GRAMD2A: variants seen among roughly 807,000 people sequenced by gnomAD.
GRAMD2A encodes GRAM domain-containing protein 2A.
GRAMD2A carries 37 observed loss-of-function variants against 51.1 expected under a neutral mutation model. The ratio of observed to expected loss-of-function variants is 0.72; its 90% CI spans 0.56 to 0.95. The LOEUF (loss-of-function observed/expected upper bound fraction) is 0.95, where lower values mean the gene tolerates loss of function less well. Ranked by LOEUF, GRAMD2A falls within the 40% of genes least tolerant of loss-of-function variation. The pLI, the probability that GRAMD2A is intolerant of heterozygous loss-of-function variation, is 0.00. For synonymous variants in GRAMD2A, 136 were observed against 157.1 expected (o/e 0.87, Z 1.01); for missense variants, 414 against 426.9 (o/e 0.97, Z 0.27).
intron 1 of GRAMD2A, among the ~76,000 whole-genome samples, chr15:72,190,805 AG>A (rs1336699740): frequency 6.6e-6 from 1 of 152,210 alleles, no homozygotes; most frequent in Non-Finnish European, 1.5e-5. Flanking sequence ...CTCTCAACGT[AG>A]CCTATGACCC....
intron 1 of GRAMD2A, among the ~76,000 whole-genome samples, chr15:72,175,444 C>T (rs1201181948): frequency 6.6e-6 from 1 of 152,224 alleles, no homozygotes; most frequent in Non-Finnish European, 1.5e-5. Flanking sequence ...GCTTTCCAGC[C>T]TCATCGCCCG....
At chr15:72,163,858 C>A in intron 8 of GRAMD2A, 101 bp from the exon 9 acceptor site, 2 of 1,267,498 alleles carry the variant, frequency 1.6e-6, no homozygotes, top group Non-Finnish European at 2.2e-6. Context: ...CAGATATTAC[C>A]AAATATAGAT....
chr15:72,168,852 G>A (rs1429095490), intron 3 of GRAMD2A, 87 bp downstream of exon 3: 23 of 1,219,898 alleles, frequency 1.9e-5, no homozygotes, highest in African/African-American at 5.9e-5. Context: ...TGACAGGCCC[G>A]GTGGCCAAGG....
intron 1 of GRAMD2A, among the ~76,000 whole-genome samples, chr15:72,177,716 G>T (rs1271819856): frequency 6.6e-6 from 1 of 152,190 alleles, no homozygotes; most frequent in Non-Finnish European, 1.5e-5. Context: ...TCATAAGGCA[G>T]GTGTATGTTC....
In GRAMD2A at chr15:72,167,737, T is replaced by G; in HGVS notation, c.371A>C (p.Lys124Thr). ...GCAGCCCTCACCACTCATTACTACC[T>G]TGATATCCTTGCCAAAGAGGCTGGC... ...FHASLFGKDI[K>T]VVIPVVSVQM... The change falls in exon 5 of 12, where the codon AAG (lysine) becomes ACG (threonine). Residue 124 changes from lysine (K) to threonine (T), a missense_variant and splice_region_variant. Lys to Thr is a moderately conservative substitution (Grantham distance 78). Coordinates refer to ENST00000309731, the MANE Select transcript of GRAMD2A (RefSeq NM_001012642.3). 6.2e-7 allele frequency: 1 copy of G among 1,611,598 alleles called. No individual in the cohort carries two copies. The highest frequency in any genetic ancestry group is 1.3e-5 in the African/African-American group (1 of 74,988).
rs1262368956 is a variant in GRAMD2A, at chr15:72,170,233, C to T, written c.42-294G>A. The T allele has an allele frequency of 1.8e-6, 1 of 543,316 alleles. No homozygotes were observed. The highest frequency in any genetic ancestry group is 3.5e-6 in the Non-Finnish European group (1 of 284,086). The allele number at this position is 543,316 out of a possible 1,614,324, so 33.7% of individuals were successfully genotyped here. Reference sequence around the variant, plus strand: ...ACCTCATCTCCAGTGCCAGGCAGCTCGTAGGCCAGGCTGAGTGAGGCCTCT... The same window carrying T: ...ACCTCATCTCCAGTGCCAGGCAGCTTGTAGGCCAGGCTGAGTGAGGCCTCT... On this transcript the variant is annotated intron_variant, in intron 1 of 11. Transcript: ENST00000309731. This position sits in a 1 kb window ranked among gnomAD's most constrained non-coding sequence, Gnocchi z 4.5.
chr15:72,163,745 G>T lies in GRAMD2A; in HGVS notation c.613C>A (p.Pro205Thr), dbSNP rs145805649. 1.3e-4 allele frequency: 208 copies of T among 1,609,876 alleles called. No homozygotes were observed. In the African/African-American group the frequency reaches 2.4e-3, roughly 19 times the overall value. The change falls in exon 9 of 12, where the codon CCT (proline) becomes ACT (threonine). Residue 205 changes from proline (P) to threonine (T), a missense_variant. Transcript: ENST00000309731. Reference protein sequence around the residue: ...GEPESLEVLIPEMKWRKVCPS... With the variant: ...GEPESLEVLITEMKWRKVCPS... ...CATACCTTTCTCCACTTCATCTCAG[G>T]GATGAGGACTTCCTGCAGTAAGACA...
intron 1 of GRAMD2A, among the ~76,000 whole-genome samples, chr15:72,171,632 TC>T (rs2081610804): frequency 6.6e-6 from 1 of 152,158 alleles, no homozygotes; most frequent in Non-Finnish European, 1.5e-5. Flanking sequence ...GGATATTGTC[TC>T]TCGCTCACCT....
intron 5 of GRAMD2A, 61 bp downstream of exon 5, chr15:72,167,675 C>A (rs142352510): frequency 2.3e-5 from 29 of 1,288,794 alleles, no homozygotes; most frequent in Middle Eastern, 2.0e-4. Context: ...GAGGCATGCC[C>A]GTGGGGCAGG....
In GRAMD2A at chr15:72,181,003, A is replaced by G. The variant is rs181968879; in HGVS notation, c.42-11064T>C. 7.7e-4 allele frequency among the ~76,000 whole-genome samples: 118 copies of G among 152,332 alleles called. 1 individual carries two copies. Among genetic ancestry groups the G allele is most frequent in the Middle Eastern group, 3.4e-3 (1 of 294 alleles). On this transcript the variant is annotated intron_variant, in intron 1 of 11. Transcript: ENST00000309731. ...AGGAAGACTTTTCTGAAGACGTACA[A>G]CATTGGAGCTCATCTCCAAGGGATG...
intron 1 of GRAMD2A, among the ~76,000 whole-genome samples, chr15:72,192,709 T>C (rs1300343060): frequency 6.6e-6 from 1 of 152,240 alleles, no homozygotes; most frequent in Non-Finnish European, 1.5e-5. Context: ...TTTAAACTAA[T>C]TCTTCAAGTG....
chr15:72,179,382 AG>A (rs2081680200), intron 1 of GRAMD2A, among the ~76,000 whole-genome samples: 1 of 152,164 alleles, frequency 6.6e-6, no homozygotes, highest in South Asian at 2.1e-4. Context: ...CGAGATGTGG[AG>A]GTATGCAGCC....
chr15:72,164,973 T>A (rs1180876073), intron 8 of GRAMD2A, among the ~76,000 whole-genome samples: 4 of 152,168 alleles, frequency 2.6e-5, no homozygotes, highest in Non-Finnish European at 4.4e-5. Flanking sequence ...ACCCCATCTC[T>A]ACTAAAAATA....
chr15:72,193,180 C>T (rs143894271), intron 1 of GRAMD2A, among the ~76,000 whole-genome samples: 1,913 of 151,532 alleles, frequency 0.013, 61 homozygotes, highest in Admixed American at 0.058. Context: ...TTGGTTCAGT[C>T]GCCACAGGTT....
chr15:72,178,775 C>CGT (rs1246331614), intron 1 of GRAMD2A, among the ~76,000 whole-genome samples: 1 of 151,706 alleles, frequency 6.6e-6, no homozygotes, highest in Non-Finnish European at 1.5e-5. Context: ...GGGGTTTCAC[C>CGT]GTGTTAGCCA....
chr15:72,180,734 G>A (rs1241349975), intron 1 of GRAMD2A, among the ~76,000 whole-genome samples: 1 of 152,224 alleles, frequency 6.6e-6, no homozygotes, highest in Non-Finnish European at 1.5e-5. Context: ...ATGCAGGCCT[G>A]GAACTGCTTC....
intron 1 of GRAMD2A, among the ~76,000 whole-genome samples, chr15:72,179,825 C>T (rs558541385): frequency 9.9e-5 from 15 of 152,280 alleles, no homozygotes; most frequent in South Asian, 2.1e-4. Context: ...CATCTACCCA[C>T]GGCAAGTGAA....
intron 1 of GRAMD2A, among the ~76,000 whole-genome samples, chr15:72,171,367 A>G (rs979813953): frequency 2.0e-5 from 3 of 152,232 alleles, no homozygotes; most frequent in East Asian, 1.9e-4. Context: ...AGATTCCCCA[A>G]AAATCACCCA....
At chr15:72,182,726 T>C (rs902503057) in intron 1 of GRAMD2A, among the ~76,000 whole-genome samples, 1 of 152,104 alleles carries the variant, frequency 6.6e-6, no homozygotes, top group African/African-American at 2.4e-5. Flanking sequence ...TCCACTTAAA[T>C]TGGGTATCTA....
Sources: allele counts gnomAD v4.1 joint callset (sites outside exome capture counted in the v4.1 genomes callset), GRCh38; gene constraint gnomAD v4.1.1; non-coding constraint Gnocchi (gnomAD v3.1); transcripts MANE v1.5; gene names NCBI Gene and HGNC (gene_info 2026-07-23, HGNC 2026-07-21).